The following SVEP1 variants were observed in gnomAD, a reference collection of about 807,000 sequenced individuals.
SVEP1 encodes the protein sushi, von Willebrand factor type A, EGF and pentraxin domain-containing protein 1.
SVEP1 carries 164 observed loss-of-function variants against 367.3 expected under a neutral mutation model. The ratio of observed to expected loss-of-function variants is 0.45; its 90% confidence interval spans 0.39 to 0.51. The LOEUF is 0.51. SVEP1 is among the 20% of genes least tolerant of loss of function. The probability of loss-of-function intolerance (pLI) is 0.00; values close to 1 mark genes in which losing one functional copy is unlikely to be tolerated. For synonymous variants in SVEP1, 1,666 were observed against 1,611.6 expected (o/e 1.03, Z -0.81); for missense variants, 4,117 against 4,425.3 (o/e 0.93, Z 1.98).
rs186295101 is a variant in SVEP1, at chr9:110,490,414, A to G, written c.1801-635T>C. 7.9e-4 allele frequency among the ~76,000 whole-genome samples: 121 copies of G among 152,278 alleles called. 2 individuals are homozygous for G. Among genetic ancestry groups the G allele is most frequent in the Admixed American group, 6.7e-3 (102 of 15,284 alleles). On this transcript the variant is annotated intron_variant, in intron 8 of 47. Coordinates refer to ENST00000374469, the MANE Select transcript of SVEP1 (RefSeq NM_153366.4). Reference sequence around the variant, plus strand: ...CTATGGTCACCCTACTGATCTATGTAAGACAAGGTCTTATGACTTCTATCA... The same window carrying G: ...CTATGGTCACCCTACTGATCTATGTGAGACAAGGTCTTATGACTTCTATCA...
chr9:110,465,746 GAC>G (rs771407692), intron 18 of SVEP1, 117 bp downstream of exon 18: 30 of 1,261,654 alleles, frequency 2.4e-5, no homozygotes, highest in Non-Finnish European at 3.1e-5. Flanking sequence ...TTTATGAAGA[GAC>G]AGTTATTTCC....
chr9:110,458,088 A>C (rs1213126363), intron 20 of SVEP1: 1 of 468,790 alleles, frequency 2.1e-6, no homozygotes, highest in Admixed American at 2.4e-5. Context: ...AAAGAAATTT[A>C]AATAATTTTC....
intron 3 of SVEP1, among the ~76,000 whole-genome samples, chr9:110,541,797 ATATATATCTATATACATAGATATC>A (rs1830149864): frequency 9.7e-5 from 14 of 144,268 alleles, no homozygotes; most frequent in East Asian, 4.1e-4. Context: ...ATAGATATCT[ATATATATCTATATACATAGATATC>A]TATATATATC....
chr9:110,461,951 C>T (rs1433070964), intron 18 of SVEP1, among the ~76,000 whole-genome samples: 2 of 152,056 alleles, frequency 1.3e-5, no homozygotes, highest in Non-Finnish European at 2.9e-5. Context: ...TGGGTTTCCT[C>T]AATCTCAAGT....
At position 110,406,504 on chromosome 9, in the gene SVEP1, G is replaced by A; in HGVS notation, c.9096C>T (p.Cys3032=). ...FDCGKAARIQ[C]FKGFKLLGLS... Reference sequence around the variant, plus strand: ...GTCCTAGGAGCTTGAAGCCTTTGAAGCACTGAATCCGGGCTGCCTTTCCAC... The same window carrying A: ...GTCCTAGGAGCTTGAAGCCTTTGAAACACTGAATCCGGGCTGCCTTTCCAC... The change falls in exon 38 of 48, where the codon TGC becomes TGT. Residue 3032 remains cysteine (C), a synonymous_variant. Transcript: ENST00000374469. 1 of 1,613,790 alleles carries A rather than the reference G, an allele frequency of 6.2e-7. No individual in the cohort carries two copies. The highest frequency in any genetic ancestry group is 8.5e-7 in the Non-Finnish European group (1 of 1,179,860).
chr9:110,513,790 A>G (rs1829758644), intron 4 of SVEP1, among the ~76,000 whole-genome samples, 158 bp downstream of exon 4: 1 of 152,190 alleles, frequency 6.6e-6, no homozygotes, highest in African/African-American at 2.4e-5. Context: ...CCGTGATAAG[A>G]ATGTTATAAA....
intron 42 of SVEP1, among the ~76,000 whole-genome samples, chr9:110,386,315 C>T (rs538054707): frequency 6.6e-6 from 1 of 152,198 alleles, no homozygotes; most frequent in African/African-American, 2.4e-5. Flanking sequence ...ATGCAAGGTC[C>T]TAAAAGTTGA....
chr9:110,430,322 T>A lies in SVEP1; in HGVS notation c.5482A>T (p.Thr1828Ser). The change falls in exon 33 of 48, where the codon ACA becomes TCA. Residue 1828 changes from threonine to serine, a missense_variant. Transcript: ENST00000374469. ...GYQLMGVTKI[T>S]CLESGEWNHL... is the part of the protein sequence containing the mutation. ...TTCCATTCTCCAGACTCCAAACATG[T>A]GATTTTGGTTACTCCCATCAACTGG... is the stretch of plus-strand genomic sequence containing the variant. 6.2e-7 allele frequency: 1 copy of A among 1,613,504 alleles called. No homozygotes were observed. Among genetic ancestry groups the A allele is most frequent in the Non-Finnish European group, 8.5e-7 (1 of 1,179,730 alleles).
intron 2 of SVEP1, among the ~76,000 whole-genome samples, chr9:110,549,018 A>G (rs909395275): frequency 6.6e-6 from 1 of 152,098 alleles, no homozygotes; most frequent in African/African-American, 2.4e-5. Flanking sequence ...TATGAACATC[A>G]CTAATTTCTT....
At chr9:110,367,874 A>C (rs1482128111) in intron 47 of SVEP1, among the ~76,000 whole-genome samples, 4 of 152,146 alleles carry the variant, frequency 2.6e-5, no homozygotes, top group Non-Finnish European at 5.9e-5. Flanking sequence ...TGAGGTCAGG[A>C]GTTCGAGACT....
intron 1 of SVEP1, among the ~76,000 whole-genome samples, chr9:110,567,724 T>A (rs73534553): frequency 0.017 from 2,564 of 152,324 alleles, 76 homozygotes; most frequent in African/African-American, 0.059. Flanking sequence ...ATACCCTTGC[T>A]TGGCCAAAAG....
At position 110,385,925 on chromosome 9, in the gene SVEP1, A is replaced by G; in HGVS notation, c.10210T>C (p.Trp3404Arg). ...GIITCNPDET[W>R]TQTSAKCEKI... The stretch of plus-strand genomic sequence containing the variant: ...TCACATTTGGCGCTTGTCTGTGTCC[A>G]CGTCTCGTCGGGGTTGCAGGTAATG... The change falls in exon 43 of 48, where the codon TGG (tryptophan) becomes CGG (arginine). Residue 3404 changes from tryptophan to arginine, a missense_variant. By Grantham distance (101) the Trp-to-Arg change is moderately radical. Coordinates refer to ENST00000374469, the MANE Select transcript of SVEP1 (RefSeq NM_153366.4). 2 of 1,613,734 alleles carry G rather than the reference A, an allele frequency of 1.2e-6. No homozygotes were observed. The highest frequency in any genetic ancestry group is 1.7e-6 in the Non-Finnish European group (2 of 1,179,790).
At chr9:110,427,020 A>G (rs1828263725) in intron 36 of SVEP1, among the ~76,000 whole-genome samples, 1 of 152,142 alleles carries the variant, frequency 6.6e-6, no homozygotes, top group South Asian at 2.1e-4. Flanking sequence ...TTAGTAGTAC[A>G]ATATAAGGCT....
At chr9:110,543,539 G>A (rs1182641857) in intron 3 of SVEP1, among the ~76,000 whole-genome samples, 2 of 152,158 alleles carry the variant, frequency 1.3e-5, no homozygotes, top group South Asian at 4.1e-4. Flanking sequence ...AGGCTACTTG[G>A]GTAACTGGGG....
chr9:110,497,935 C>A (rs1459368042), intron 7 of SVEP1, among the ~76,000 whole-genome samples: 1 of 151,216 alleles, frequency 6.6e-6, no homozygotes, highest in East Asian at 2.0e-4. Flanking sequence ...ACAACTCTCT[C>A]CCACAGGAAG....
In SVEP1 at chr9:110,436,512, GAGAGAA is replaced by G. The variant is rs1423960374; in HGVS notation, c.4640-14_4640-9del. ...GAACTAACGCACCACCACCTAAGGA[GAGAGAA>G]AGAGAAAGAAAAGGAGGAAAACTGG... On this transcript the variant is annotated splice_polypyrimidine_tract_variant and intron_variant, in intron 27 of 47. Coordinates refer to ENST00000374469, the MANE Select transcript of SVEP1 (RefSeq NM_153366.4). 6.2e-7 allele frequency: 1 copy of G among 1,612,130 alleles called. No individual in the cohort carries two copies. The highest frequency in any genetic ancestry group is 1.1e-5 in the South Asian group (1 of 90,882).
intron 3 of SVEP1, among the ~76,000 whole-genome samples, chr9:110,524,887 C>G (rs912943785): frequency 6.6e-6 from 1 of 151,678 alleles, no homozygotes. Flanking sequence ...AATTTTTGTA[C>G]TTTTTGTAGA....
intron 1 of SVEP1, among the ~76,000 whole-genome samples, chr9:110,570,554 C>T (rs980400618): frequency 2.6e-5 from 4 of 151,558 alleles, no homozygotes; most frequent in Admixed American, 1.3e-4. Context: ...AATCTCAGTT[C>T]ACTGCAACCT....
chr9:110,579,545 G>A lies in SVEP1; in HGVS notation c.-2C>T. The A allele has an allele frequency of 1.9e-6, 3 of 1,592,196 alleles. No homozygotes were observed. The highest frequency in any genetic ancestry group is 2.6e-6 in the Non-Finnish European group (3 of 1,171,544). ...ACAAAAGGCCAGGCGAGGCCACATC[G>A]CGCTGGAGACAGAGCGGCTGCCCCG... On this transcript the variant is annotated 5_prime_UTR_variant, in exon 1 of 48. Coordinates refer to ENST00000374469, the MANE Select transcript of SVEP1 (RefSeq NM_153366.4). The surrounding 1 kb of genome is among the most constrained non-coding windows in gnomAD (Gnocchi z 5.3).
Sources: allele counts gnomAD v4.1 joint callset (sites outside exome capture counted in the v4.1 genomes callset), GRCh38; gene constraint gnomAD v4.1.1; non-coding constraint Gnocchi (gnomAD v3.1); transcripts MANE v1.5; gene names NCBI Gene and HGNC (gene_info 2026-07-23, HGNC 2026-07-21).